PLEKHH1: variants seen among roughly 807,000 people sequenced by gnomAD.
PLEKHH1 encodes the protein pleckstrin homology domain-containing family H member 1.
Under a neutral mutation model 160.0 loss-of-function variants are expected in PLEKHH1, and 104 were observed. That is an observed-to-expected ratio of 0.65 (90% CI 0.55 to 0.76). PLEKHH1 has a LOEUF of 0.76. PLEKHH1 is among the 30% of genes least tolerant of loss of function. The pLI is 0.00. For synonymous variants in PLEKHH1, 619 were observed against 678.4 expected (o/e 0.91, Z 1.36); for missense variants, 1,427 against 1,724.1 (o/e 0.83, Z 3.05).
rs746189123 is a variant in PLEKHH1, at chr14:67,582,221, G to A, written c.3426+11G>A. ...GCCCTGATGGCCCAGGTAAGGTTCT[G>A]TTCAGGAAGCAGGAGGGTCGGGTTG... On this transcript the variant is annotated intron_variant, in intron 24 of 28. Transcript: ENST00000329153. This position sits in a 1 kb window ranked among gnomAD's most constrained non-coding sequence, Gnocchi z 5.0. The A allele has an allele frequency of 2.5e-6, 4 of 1,613,492 alleles. No homozygotes were observed. Among genetic ancestry groups the A allele is most frequent in the Non-Finnish European group, 3.4e-6 (4 of 1,179,876 alleles).
intron 4 of PLEKHH1, among the ~76,000 whole-genome samples, chr14:67,558,228 G>C (rs1382519916): frequency 6.6e-6 from 1 of 152,146 alleles, no homozygotes; most frequent in Non-Finnish European, 1.5e-5. Flanking sequence ...CCTCGTGCCA[G>C]AATGCCATCA....
rs371322451 is a variant in PLEKHH1 at position 67,578,662 on chromosome 14, T to C, written c.2849+31T>C. On this transcript the variant is annotated intron_variant, in intron 20 of 28. Coordinates refer to ENST00000329153, the MANE Select transcript of PLEKHH1 (RefSeq NM_020715.3). The surrounding 1 kb of genome is among the most constrained non-coding windows in gnomAD (Gnocchi z 5.0). Reference sequence around the variant, plus strand: ...TGAACCTGGCCGTTTCCTCTGCCACTTGAGCACTGCCAACTGCCGCATGAA... The same window carrying C: ...TGAACCTGGCCGTTTCCTCTGCCACCTGAGCACTGCCAACTGCCGCATGAA... The C allele has an allele frequency of 4.0e-5, 54 of 1,353,748 alleles. No homozygotes were observed. The Middle Eastern group carries it at 1.2e-3, about 31-fold the overall frequency. 83.9% of individuals were successfully genotyped at this position (1,353,748 alleles called of 1,614,324 possible). A position where few individuals can be genotyped will look rare whatever the true frequency, so the allele number is the denominator to read the frequency against.
chr14:67,557,409 G>A lies in PLEKHH1; in HGVS notation c.330G>A (p.Leu110=), dbSNP rs745544812. The part of the protein sequence containing the change: ...DELISQLEAQ[L]EKQKQMRAEE... ...TCATCAGCCAGCTAGAGGCTCAGCT[G>A]GAGAAGCAGGTAAGGGCTCATGCGC... is the stretch of plus-strand genomic sequence containing the variant. Residue 110 remains leucine (L), a synonymous_variant, in exon 4 of 29, where the codon CTG becomes CTA. Coordinates refer to ENST00000329153, the MANE Select transcript of PLEKHH1 (RefSeq NM_020715.3). 1 of 1,613,172 alleles carries A rather than the reference G, an allele frequency of 6.2e-7. No individual in the cohort carries two copies. The highest frequency in any genetic ancestry group is 8.5e-7 in the Non-Finnish European group (1 of 1,179,758).
intron 2 of PLEKHH1, among the ~76,000 whole-genome samples, chr14:67,553,663 C>G (rs1458551630): frequency 6.6e-6 from 1 of 152,242 alleles, no homozygotes; most frequent in Non-Finnish European, 1.5e-5. Flanking sequence ...AACCCCCCAC[C>G]ACCAAGGAGA....
intron 2 of PLEKHH1, among the ~76,000 whole-genome samples, chr14:67,551,058 G>A (rs1169362813): frequency 1.3e-5 from 2 of 152,186 alleles, no homozygotes; most frequent in Admixed American, 1.3e-4. Flanking sequence ...CACAGACCAA[G>A]TGGTCCTGTT....
At chr14:67,580,895 C>T (rs765961880) in intron 22 of PLEKHH1, 43 bp from the exon 23 acceptor site, 7 of 1,327,848 alleles carry the variant, frequency 5.3e-6, no homozygotes, top group Admixed American at 5.0e-5. Context: ...CCCTTCTCTC[C>T]TTATCAGGAA....
chr14:67,556,195 G>T (rs544767727), intron 3 of PLEKHH1, among the ~76,000 whole-genome samples: 1 of 152,216 alleles, frequency 6.6e-6, no homozygotes, highest in Non-Finnish European at 1.5e-5. Context: ...CAGTGATTCC[G>T]CTTCCACAGT....
intron 28 of PLEKHH1, 127 bp downstream of exon 28, chr14:67,586,224 C>T (rs752443271): frequency 2.5e-6 from 3 of 1,209,060 alleles, no homozygotes; most frequent in Non-Finnish European, 3.6e-6. Flanking sequence ...TTGGTCTTGT[C>T]TGTAATTAGT....
intron 4 of PLEKHH1, among the ~76,000 whole-genome samples, chr14:67,558,269 G>A (rs1158104320): frequency 1.3e-5 from 2 of 152,190 alleles, no homozygotes; most frequent in African/African-American, 4.8e-5. Flanking sequence ...AGTCTGGACA[G>A]ATGACTTTTA....
rs2035248651 is a variant in PLEKHH1 at position 67,569,158 on chromosome 14, G to A, written c.1284G>A (p.Val428=). 1.2e-6 allele frequency: 2 copies of A among 1,612,260 alleles called. No homozygotes were observed. Among genetic ancestry groups the A allele is most frequent in the Non-Finnish European group, 1.7e-6 (2 of 1,178,762 alleles). ...FSSWESRIYA[V]ATSGMRLSDM... ...TTCAGGAGAGCCGGATCTATGCTGT[G>A]GCCACATCGGGCATGCGGCTCTCAG... is the stretch of plus-strand genomic sequence containing the variant. Residue 428 remains valine (V), a synonymous_variant, in exon 8 of 29, where the codon GTG becomes GTA. Coordinates refer to ENST00000329153, the MANE Select transcript of PLEKHH1 (RefSeq NM_020715.3).
chr14:67,546,232 G>A (rs1478188561), intron 2 of PLEKHH1, among the ~76,000 whole-genome samples: 1 of 152,118 alleles, frequency 6.6e-6, no homozygotes. Context: ...ATTATGCAGG[G>A]CTTCAACTAT....
At chr14:67,554,843 A>C (rs2140383948) in intron 2 of PLEKHH1, among the ~76,000 whole-genome samples, 1 of 152,290 alleles carries the variant, frequency 6.6e-6, no homozygotes, top group East Asian at 1.9e-4. Context: ...ACTTGGTGTA[A>C]TATCCAGAAT....
chr14:67,534,087 A>G (rs142979388), intron 1 of PLEKHH1, among the ~76,000 whole-genome samples: 119 of 152,280 alleles, frequency 7.8e-4, no homozygotes, highest in African/African-American at 2.7e-3. Flanking sequence ...GGTTCAGGTA[A>G]AACACTTGAA....
At chr14:67,534,992 C>T (rs1165233470) in intron 1 of PLEKHH1, among the ~76,000 whole-genome samples, 1 of 152,138 alleles carries the variant, frequency 6.6e-6, no homozygotes, top group Non-Finnish European at 1.5e-5. Flanking sequence ...TCAATAAGAT[C>T]ATGTAAAAGC....
intron 2 of PLEKHH1, among the ~76,000 whole-genome samples, chr14:67,546,651 A>G (rs1368613828): frequency 1.3e-5 from 2 of 152,312 alleles, no homozygotes; most frequent in East Asian, 1.9e-4. Context: ...CAGCCTCCCA[A>G]AGTGCTGGGA....
chr14:67,542,254 A>AC (rs1343213747), intron 2 of PLEKHH1, among the ~76,000 whole-genome samples: 3 of 152,152 alleles, frequency 2.0e-5, no homozygotes, highest in African/African-American at 7.2e-5. Flanking sequence ...TTCCGGAGTC[A>AC]CCTGTGGCTG....
chr14:67,581,093 A>C, intron 23 of PLEKHH1, 55 bp downstream of exon 23: 4 of 1,097,904 alleles, frequency 3.6e-6, no homozygotes, highest in Non-Finnish European at 5.6e-6. Context: ...ACTGGGTGCC[A>C]GCTCATCGCC....
chr14:67,560,760 C>T (rs1408566994), intron 5 of PLEKHH1, among the ~76,000 whole-genome samples: 2 of 134,208 alleles, frequency 1.5e-5, no homozygotes, highest in South Asian at 4.6e-4. Context: ...GACGGAGTCT[C>T]GCTCTTGTTT....
rs1011440002 is a variant in PLEKHH1, at chr14:67,571,589, G to C, written c.1435-163G>C. On this transcript the variant is annotated intron_variant, in intron 9 of 28. Coordinates refer to ENST00000329153, the MANE Select transcript of PLEKHH1 (RefSeq NM_020715.3). ...TGAGAAGCATGGAGGTCATGACACA[G>C]GAGTGAGGCCAGGAGGGACCTTACA... The C allele has an allele frequency of 9.6e-6, 6 of 625,932 alleles. No homozygotes were observed. In the Admixed American group the frequency reaches 1.5e-4, roughly 16 times the overall value. The allele number at this position is 625,932 out of a possible 1,614,324, so 38.8% of individuals were successfully genotyped here.
Sources: allele counts gnomAD v4.1 joint callset (sites outside exome capture counted in the v4.1 genomes callset), GRCh38; gene constraint gnomAD v4.1.1; non-coding constraint Gnocchi (gnomAD v3.1); transcripts MANE v1.5; gene names NCBI Gene and HGNC (gene_info 2026-07-23, HGNC 2026-07-21).